NLGN4X: variants seen among roughly 807,000 people sequenced by gnomAD.
NLGN4X encodes neuroligin 4 X-linked.
A neutral mutation model predicts 40.3 loss-of-function variants in NLGN4X; 3 were observed. The observed-to-expected ratio is 0.07, with a 90% CI of 0.03 to 0.19. NLGN4X has a LOEUF of 0.19. Ranked by LOEUF, NLGN4X falls within the 10% of genes least tolerant of loss-of-function variation. NLGN4X has a pLI of 1.00. For missense variants in NLGN4X, 382 were observed against 708.3 expected (o/e 0.54, Z 5.23); for synonymous variants, 270 against 306.8 (o/e 0.88, Z 1.25).
At chrX:5,909,533 C>T (rs1310040507) in intron 3 of NLGN4X, among the ~76,000 whole-genome samples, 1 of 109,932 alleles carries the variant, frequency 9.1e-6, no homozygotes, top group Non-Finnish European at 1.9e-5. Flanking sequence ...TCCCAGAAGA[C>T]GTCGTAAATT....
intron 3 of NLGN4X, among the ~76,000 whole-genome samples, chrX:5,996,301 G>A (rs1416867181): frequency 2.7e-5 from 3 of 112,280 alleles, no homozygotes; most frequent in Middle Eastern, 9.4e-3. Context: ...ATAAGAGTCC[G>A]ACTTTGATAT....
At chrX:6,027,400 C>A (rs2036729504) in intron 3 of NLGN4X, among the ~76,000 whole-genome samples, 1 of 112,172 alleles carries the variant, frequency 8.9e-6, no homozygotes, top group African/African-American at 3.2e-5. Context: ...GGAAATAAAG[C>A]CAACGACATA....
chrX:6,082,582 AATAG>A (rs974450721), intron 2 of NLGN4X, among the ~76,000 whole-genome samples: 21 of 111,486 alleles, frequency 1.9e-4, no homozygotes, highest in African/African-American at 6.9e-4. Flanking sequence ...AGATGTATCT[AATAG>A]ATAGATAGCA....
At chrX:5,994,446 T>TA (rs2035765398) in intron 3 of NLGN4X, among the ~76,000 whole-genome samples, 1 of 111,678 alleles carries the variant, frequency 9.0e-6, no homozygotes, top group Admixed American at 9.5e-5. Context: ...GGTCTCTTCT[T>TA]ATGTTATTTT....
chrX:6,107,866 T>C (rs1347364869), intron 2 of NLGN4X, among the ~76,000 whole-genome samples: 4 of 112,509 alleles, frequency 3.6e-5, no homozygotes, highest in African/African-American at 6.5e-5. Flanking sequence ...TTCATGTTGC[T>C]GCAAAGGACA....
chrX:5,927,503 A>G (rs1168443847), intron 3 of NLGN4X, among the ~76,000 whole-genome samples: 1 of 112,567 alleles, frequency 8.9e-6, no homozygotes, highest in East Asian at 2.8e-4. Context: ...GATGGATGGT[A>G]TAAGTGGTTC....
At chrX:6,046,548 C>G (rs1377784967) in intron 2 of NLGN4X, among the ~76,000 whole-genome samples, 1 of 111,129 alleles carries the variant, frequency 9.0e-6, no homozygotes, top group African/African-American at 3.3e-5. Flanking sequence ...AAACAATGAG[C>G]ATGTTTGTTG....
At chrX:6,043,465 C>T (rs934362335) in intron 2 of NLGN4X, among the ~76,000 whole-genome samples, 3 of 110,977 alleles carry the variant, frequency 2.7e-5, no homozygotes, top group African/African-American at 9.8e-5. Context: ...GAAAAGTTTG[C>T]GTTCTGTTGC....
intron 3 of NLGN4X, among the ~76,000 whole-genome samples, chrX:5,915,570 C>T (rs1213404259): frequency 8.9e-6 from 1 of 111,894 alleles, no homozygotes; most frequent in Admixed American, 9.4e-5. Context: ...GACAGACTCT[C>T]GCTCTGTCGC....
rs750721200 is a variant in NLGN4X, at chrX:6,065,449, G to C, written c.473-36017C>G. On this transcript the variant is annotated intron_variant, in intron 2 of 5. Coordinates refer to ENST00000381095, the MANE Select transcript of NLGN4X (RefSeq NM_181332.3). The stretch of plus-strand genomic sequence containing the variant: ...TTAACATTGCTTGACATTTAAAACT[G>C]GTATCTCTCCATAATAGAACTTTAG... 1.4e-3 allele frequency among the ~76,000 whole-genome samples: 158 copies of C among 110,269 alleles called. 1 individual carries two copies. The highest frequency in any genetic ancestry group is 2.4e-3 in the Non-Finnish European group (125 of 52,867).
chrX:6,158,579 C>A (rs2040320225), intron 1 of NLGN4X, among the ~76,000 whole-genome samples: 1 of 112,119 alleles, frequency 8.9e-6, no homozygotes, highest in African/African-American at 3.2e-5. Flanking sequence ...CGATGTGGAG[C>A]AACTAGAACT....
At chrX:6,051,805 C>A (rs769897749) in intron 2 of NLGN4X, among the ~76,000 whole-genome samples, 3 of 110,914 alleles carry the variant, frequency 2.7e-5, no homozygotes, top group Non-Finnish European at 5.7e-5. Flanking sequence ...ATAAGCCATG[C>A]CCTCCCGTAA....
intron 2 of NLGN4X, among the ~76,000 whole-genome samples, chrX:6,119,028 C>T (rs1822908848): frequency 8.9e-6 from 1 of 112,015 alleles, no homozygotes; most frequent in African/African-American, 3.2e-5. Context: ...CCTATTATTC[C>T]TTATCTACTT....
At chrX:5,980,176 C>T (rs990232110) in intron 3 of NLGN4X, among the ~76,000 whole-genome samples, 7 of 103,549 alleles carry the variant, frequency 6.8e-5, no homozygotes, top group African/African-American at 2.7e-4. Flanking sequence ...TGTACCAGTA[C>T]GTGTCTATAC....
At chrX:6,129,857 G>C in intron 2 of NLGN4X, among the ~76,000 whole-genome samples, 1 of 108,469 alleles carries the variant, frequency 9.2e-6, no homozygotes, top group Non-Finnish European at 1.9e-5. Flanking sequence ...TATGCAAACT[G>C]TGGGGGAAAG....
At chrX:6,031,393 A>G (rs2036853294) in intron 2 of NLGN4X, among the ~76,000 whole-genome samples, 1 of 111,814 alleles carries the variant, frequency 8.9e-6, no homozygotes, top group South Asian at 3.8e-4. Flanking sequence ...GATCTCTCAG[A>G]GAGCTACTTG....
intron 2 of NLGN4X, among the ~76,000 whole-genome samples, chrX:6,128,799 C>T (rs1349850337): frequency 1.8e-5 from 2 of 112,103 alleles, no homozygotes; most frequent in East Asian, 5.6e-4. Flanking sequence ...CCTGCAAATC[C>T]GTGTCTAAAA....
intron 3 of NLGN4X, among the ~76,000 whole-genome samples, chrX:5,931,738 A>C (rs111346137): frequency 0.046 from 5,084 of 111,416 alleles, 303 homozygotes; most frequent in African/African-American, 0.16. Context: ...ACTACAGAGG[A>C]TAAGACGAGG....
intron 1 of NLGN4X, among the ~76,000 whole-genome samples, chrX:6,172,435 A>G (rs112364322): frequency 0.034 from 3,774 of 111,363 alleles, 68 homozygotes; most frequent in South Asian, 0.067. Context: ...GTTCCTTTCC[A>G]TTTTGCTATC....
Sources: allele counts gnomAD v4.1 joint callset (sites outside exome capture counted in the v4.1 genomes callset), GRCh38; gene constraint gnomAD v4.1.1; transcripts MANE v1.5; gene names NCBI Gene and HGNC (gene_info 2026-07-23, HGNC 2026-07-21).